UQCC1: variants seen among roughly 807,000 people sequenced by gnomAD.
UQCC1 encodes the protein ubiquinol-cytochrome c reductase complex assembly factor 1.
In UQCC1, 38 loss-of-function variants were observed where a neutral mutation model predicts 48.0. The ratio of observed to expected loss-of-function variants is 0.79; its 90% CI spans 0.61 to 1.04. The LOEUF is 1.04. Among genes scored for constraint, UQCC1 ranks in the 50% least tolerant of loss-of-function variants. UQCC1 has a pLI of 0.00. For synonymous variants in UQCC1, 111 were observed against 129.2 expected (o/e 0.86, Z 0.95); for missense variants, 368 against 381.8 (o/e 0.96, Z 0.30).
At chr20:35,322,277 AATGATGACAGTGATGGT>A (rs1328394235) in intron 7 of UQCC1, among the ~76,000 whole-genome samples, 118 of 152,356 alleles carry the variant, frequency 7.7e-4, no homozygotes, top group African/African-American at 2.7e-3. Context: ...TACTGATAAT[AATGATGACAGTGATGGT>A]CGTAACAATG....
Position 35,310,356 on chromosome 20 carries a change from G to T in UQCC1, c.652-3577C>A, listed in dbSNP as rs938972261. Among the ~76,000 whole-genome samples, 4 of 152,084 alleles carry T rather than the reference G, an allele frequency of 2.6e-5. No homozygotes were observed. The South Asian group carries it at 8.3e-4, about 32-fold the overall frequency. ...GAAGAAGTAGGCCTTTAAGAATTGG[G>T]AGGATTTAGCGGGTGTGGTGGCTCA... On this transcript the variant is annotated intron_variant, in intron 8 of 9. Transcript: ENST00000374385.
intron 1 of UQCC1, among the ~76,000 whole-genome samples, chr20:35,407,912 C>T (rs960654101): frequency 2.6e-5 from 4 of 152,178 alleles, no homozygotes; most frequent in African/African-American, 7.2e-5. Context: ...ATCCCAGCTA[C>T]TTGGGAGGCT....
chr20:35,400,580 C>G (rs1010691362), intron 1 of UQCC1, among the ~76,000 whole-genome samples: 1 of 151,368 alleles, frequency 6.6e-6, no homozygotes, highest in Non-Finnish European at 1.5e-5. Flanking sequence ...ACTGCAAGCT[C>G]CGCCTCCCAG....
intron 9 of UQCC1, chr20:35,306,420 A>G (rs1427678972): frequency 1.1e-5 from 5 of 475,460 alleles, no homozygotes; most frequent in African/African-American, 2.0e-5. Context: ...GAATGACTCA[A>G]AGTTCCTGAG....
chr20:35,371,934 T>C (rs1333762579), intron 5 of UQCC1, among the ~76,000 whole-genome samples: 1 of 151,920 alleles, frequency 6.6e-6, no homozygotes, highest in Non-Finnish European at 1.5e-5. Context: ...GAGGGTTGCT[T>C]GAGCCCAGGA....
chr20:35,326,611 T>C lies in UQCC1; in HGVS notation c.574-11846A>G, dbSNP rs114197930. The stretch of plus-strand genomic sequence containing the variant: ...TTCACTACATGTAGGTCGGTATCAT[T>C]ACTCCGGGCCCTCTGCATTCTGACT... On this transcript the variant is annotated intron_variant, in intron 7 of 9. Coordinates refer to ENST00000374385, the MANE Select transcript of UQCC1 (RefSeq NM_018244.5). 7.2e-3 allele frequency among the ~76,000 whole-genome samples: 1,103 copies of C among 152,218 alleles called. 13 individuals are homozygous for C. Among genetic ancestry groups the C allele is most frequent in the African/African-American group, 0.025 (1,054 of 41,534 alleles).
At chr20:35,330,756 CT>C (rs2061247651) in intron 7 of UQCC1, among the ~76,000 whole-genome samples, 1 of 151,864 alleles carries the variant, frequency 6.6e-6, no homozygotes, top group African/African-American at 2.4e-5. Flanking sequence ...TGTGTTCACT[CT>C]TGGAAATTCT....
chr20:35,363,220 G>A (rs190576359), intron 6 of UQCC1, among the ~76,000 whole-genome samples: 14 of 152,230 alleles, frequency 9.2e-5, no homozygotes, highest in African/African-American at 3.1e-4. Flanking sequence ...CAGGTGAAGG[G>A]GTGAGAGAAG....
At chr20:35,395,084 C>T (rs922903417) in intron 1 of UQCC1, among the ~76,000 whole-genome samples, 7 of 152,108 alleles carry the variant, frequency 4.6e-5, no homozygotes, top group African/African-American at 1.7e-4. Context: ...TGCCACCCTC[C>T]CTACACTTTG....
chr20:35,344,904 A>G (rs1336789555), intron 7 of UQCC1: 1 of 152,254 alleles, frequency 6.6e-6, no homozygotes, highest in Non-Finnish European at 1.5e-5. Context: ...ACCTCCAAGG[A>G]GGGCAGAGAG....
intron 7 of UQCC1, chr20:35,345,785 T>C (rs940076971): frequency 2.0e-5 from 3 of 152,222 alleles, no homozygotes; most frequent in African/African-American, 7.2e-5. Flanking sequence ...TTTTATAATA[T>C]GTTTATTTCT....
At chr20:35,389,290 T>A (rs959939259) in intron 2 of UQCC1, among the ~76,000 whole-genome samples, 2 of 152,270 alleles carry the variant, frequency 1.3e-5, no homozygotes, top group African/African-American at 4.8e-5. Context: ...AAATGAATTA[T>A]AAGCCGGGTG....
At chr20:35,346,672 C>T (rs768807678) in intron 7 of UQCC1, 1 of 202,942 alleles carries the variant, frequency 4.9e-6, no homozygotes, top group Non-Finnish European at 1.0e-5. Flanking sequence ...ATTAAATGTA[C>T]TAATGTACAT....
At position 35,408,942 on chromosome 20, in the gene UQCC1, A is replaced by G. The variant is rs115750289; in HGVS notation, c.24+2998T>C. ...ACGCTAAATGAAATAAGCCAGTCACAAAAGGTCAAATACTGTATGATTCCA... is the reference window on the plus strand; with the variant it reads ...ACGCTAAATGAAATAAGCCAGTCACGAAAGGTCAAATACTGTATGATTCCA... On this transcript the variant is annotated intron_variant, in intron 1 of 9. Transcript: ENST00000374385. Among the ~76,000 whole-genome samples, 1,179 of 152,342 alleles carry G rather than the reference A, an allele frequency of 7.7e-3. 18 individuals are homozygous for G. Among genetic ancestry groups the G allele is most frequent in the African/African-American group, 0.026 (1,087 of 41,572 alleles).
Position 35,332,116 on chromosome 20 carries a change from C to T in UQCC1, c.573+15048G>A, listed in dbSNP as rs887611558. ...AAGAACTGTTTGGAAAACTGGGCAC[C>T]GGCCTCTCAACTTTCTAGCACTGAA... On this transcript the variant is annotated intron_variant, in intron 7 of 9. Transcript: ENST00000374385. Among the ~76,000 whole-genome samples the T allele has an allele frequency of 1.4e-4, 22 of 152,302 alleles. 1 individual carries two copies. The East Asian group carries it at 2.3e-3, about 16-fold the overall frequency.
intron 2 of UQCC1, among the ~76,000 whole-genome samples, chr20:35,390,724 G>A (rs2062003893): frequency 6.6e-6 from 1 of 151,796 alleles, no homozygotes; most frequent in Non-Finnish European, 1.5e-5. Flanking sequence ...TAATTACAAA[G>A]GGAAAATACT....
At chr20:35,385,823 AT>A (rs908373084) in intron 2 of UQCC1, among the ~76,000 whole-genome samples, 123 of 135,010 alleles carry the variant, frequency 9.1e-4, no homozygotes, top group Middle Eastern at 3.9e-3. Context: ...CCTGGCTGGG[AT>A]TTTTTTTTTT....
intron 7 of UQCC1, among the ~76,000 whole-genome samples, chr20:35,320,768 G>A (rs977278687): frequency 4.6e-5 from 7 of 152,334 alleles, no homozygotes; most frequent in African/African-American, 1.2e-4. Flanking sequence ...GAGCATGAAG[G>A]TGAGAATAAG....
At chr20:35,313,245 A>G (rs1046758655) in intron 8 of UQCC1, among the ~76,000 whole-genome samples, 21 of 151,666 alleles carry the variant, frequency 1.4e-4, no homozygotes, top group African/African-American at 4.8e-4. Context: ...GTGTGGTGGC[A>G]GGCGCCTGTA....
Sources: gnomAD v4.1 joint callset for allele counts (sites outside exome capture counted in the v4.1 genomes callset) on GRCh38, gnomAD v4.1.1 for gene constraint, MANE v1.5 for transcripts, NCBI Gene and HGNC (gene_info 2026-07-23, HGNC 2026-07-21) for gene names.